Variants in ATAD2B observed in about 807,000 individuals in gnomAD.
ATAD2B encodes the protein ATPase family AAA domain containing 2B, also known as ATPase family AAA domain-containing protein 2B.
A neutral mutation model predicts 167.6 loss-of-function variants in ATAD2B; 40 were observed. That is an observed-to-expected ratio of 0.24 (90% CI 0.19 to 0.31). The LOEUF (loss-of-function observed/expected upper bound fraction) is 0.31. Ranked by LOEUF, ATAD2B falls within the 10% of genes least tolerant of loss-of-function variation. ATAD2B has a pLI of 1.00. For synonymous variants in ATAD2B, 579 were observed against 596.5 expected (o/e 0.97, Z 0.43); for missense variants, 1,242 against 1,757.2 (o/e 0.71, Z 5.24).
chr2:23,716,646 T>G, the ATAD2B span, among the ~76,000 whole-genome samples: 1 of 152,252 alleles, frequency 6.6e-6, no homozygotes, highest in African/African-American at 2.4e-5. Flanking sequence ...AGAATGGAAT[T>G]CTTCTCCCCC....
intron 17 of ATAD2B, among the ~76,000 whole-genome samples, chr2:23,817,118 A>G (rs1483624346): frequency 6.6e-6 from 1 of 152,200 alleles, no homozygotes; most frequent in Non-Finnish European, 1.5e-5. Flanking sequence ...TTAATTCTAA[A>G]GTGTATGCTT....
chr2:23,892,081 C>T (rs908733077), intron 2 of ATAD2B, among the ~76,000 whole-genome samples: 1 of 152,224 alleles, frequency 6.6e-6, no homozygotes, highest in African/African-American at 2.4e-5. Context: ...GGTGGTTATA[C>T]TTCTGCCTCA....
intron 19 of ATAD2B, among the ~76,000 whole-genome samples, chr2:23,797,792 C>T (rs888560998): frequency 7.2e-5 from 11 of 152,094 alleles, no homozygotes; most frequent in Admixed American, 5.2e-4. Context: ...CAACCCATCA[C>T]GTGAGGTGTC....
At chr2:23,681,143 C>T in the ATAD2B span, among the ~76,000 whole-genome samples, 1 of 152,356 alleles carries the variant, frequency 6.6e-6, no homozygotes, top group South Asian at 2.1e-4. This position sits in a 1 kb window ranked among gnomAD's most constrained non-coding sequence, Gnocchi z 4.2. Context: ...GCTCCTGCTT[C>T]GCCGGCCGGG....
intron 13 of ATAD2B, among the ~76,000 whole-genome samples, chr2:23,845,427 CA>C (rs944891108): frequency 8.6e-5 from 13 of 150,768 alleles, no homozygotes; most frequent in Non-Finnish European, 8.9e-5. Context: ...TTATACTTAG[CA>C]AAAAAAAGCC....
chr2:23,874,313 G>C, intron 8 of ATAD2B, among the ~76,000 whole-genome samples: 1 of 152,070 alleles, frequency 6.6e-6, no homozygotes, highest in South Asian at 2.1e-4. Context: ...TAAACTATTA[G>C]AGGAAACCAT....
In ATAD2B at chr2:23,919,918, A is replaced by G. The variant is rs1013574351; in HGVS notation, c.216+6637T>C. 5.3e-5 allele frequency among the ~76,000 whole-genome samples: 8 copies of G among 151,974 alleles called. No individual in the cohort carries two copies. The South Asian group carries it at 1.7e-3, about 32-fold the overall frequency. ...GTAATCCCAGAACTTTCGGAGGCCG[A>G]GGCAGGCAGATCACCTGAGGTCAGG... On this transcript the variant is annotated intron_variant, in intron 1 of 27. Coordinates refer to ENST00000238789, the MANE Select transcript of ATAD2B (RefSeq NM_017552.4).
At chr2:23,790,062 T>C (rs555226498) in intron 19 of ATAD2B, among the ~76,000 whole-genome samples, 1 of 152,198 alleles carries the variant, frequency 6.6e-6, no homozygotes, top group Non-Finnish European at 1.5e-5. Flanking sequence ...TTTTGTAGAC[T>C]ACCTTCATGC....
chr2:23,803,915 T>C (rs1683917465), intron 18 of ATAD2B, among the ~76,000 whole-genome samples: 1 of 152,160 alleles, frequency 6.6e-6, no homozygotes, highest in Admixed American at 6.5e-5. Context: ...TTTTAGAGCC[T>C]GGGGAAAAGA....
chr2:23,899,322 G>T (rs1224450301), intron 1 of ATAD2B, among the ~76,000 whole-genome samples: 1 of 123,284 alleles, frequency 8.1e-6, no homozygotes, highest in Non-Finnish European at 1.8e-5. Flanking sequence ...AAAAAAAAAA[G>T]CCACAAGGCC....
intron 18 of ATAD2B, among the ~76,000 whole-genome samples, chr2:23,809,784 A>C (rs1426466884): frequency 2.0e-5 from 3 of 152,200 alleles, no homozygotes; most frequent in Admixed American, 2.0e-4. Flanking sequence ...TAACAACCTC[A>C]AGAAATATAA....
chr2:23,726,800 G>A, the ATAD2B span, among the ~76,000 whole-genome samples: 1 of 152,162 alleles, frequency 6.6e-6, no homozygotes, highest in Non-Finnish European at 1.5e-5. Flanking sequence ...GCGGTCAAAT[G>A]GGGAGTTTTT....
At chr2:23,748,576 T>A (rs1356113428), downstream of ATAD2B, 3 of 152,136 alleles carry the variant, frequency 2.0e-5, no homozygotes, top group Non-Finnish European at 4.4e-5. Flanking sequence ...ACCAGCAATA[T>A]GCCTCTCTCT....
chr2:23,917,203 A>G (rs1276301221), intron 1 of ATAD2B, among the ~76,000 whole-genome samples: 1 of 152,208 alleles, frequency 6.6e-6, no homozygotes, highest in African/African-American at 2.4e-5. Flanking sequence ...ACAAAGGAAC[A>G]AGCAAGCCTC....
chr2:23,881,646 C>A (rs191783485), intron 6 of ATAD2B, among the ~76,000 whole-genome samples: 25 of 152,106 alleles, frequency 1.6e-4, no homozygotes, highest in Non-Finnish European at 3.5e-4. Flanking sequence ...TAGGCGTGAG[C>A]CACCGCGCCC....
At chr2:23,755,422 A>G (rs1675834331) in intron 25 of ATAD2B, among the ~76,000 whole-genome samples, 1 of 152,178 alleles carries the variant, frequency 6.6e-6, no homozygotes, top group African/African-American at 2.4e-5. Context: ...CACACTAAAC[A>G]AACAGAAATT....
chr2:23,788,719 C>A, intron 19 of ATAD2B, 72 bp from the exon 20 acceptor site: 1 of 1,225,960 alleles, frequency 8.2e-7, no homozygotes. Context: ...TACCAAATTG[C>A]AATGTCTTCA....
chr2:23,713,422 G>T, the ATAD2B span, among the ~76,000 whole-genome samples: 1 of 150,870 alleles, frequency 6.6e-6, no homozygotes. Flanking sequence ...TTAAGTAACA[G>T]CTTTATTGAC....
intron 13 of ATAD2B, among the ~76,000 whole-genome samples, chr2:23,839,280 T>C (rs1381549851): frequency 6.6e-6 from 1 of 152,100 alleles, no homozygotes; most frequent in South Asian, 2.1e-4. Context: ...TAGAACAGTA[T>C]TGGTCAGAAG....
Sources: allele counts gnomAD v4.1 joint callset (sites outside exome capture counted in the v4.1 genomes callset), GRCh38; gene constraint gnomAD v4.1.1; non-coding constraint Gnocchi (gnomAD v3.1); transcripts MANE v1.5; gene names NCBI Gene and HGNC (gene_info 2026-07-23, HGNC 2026-07-21).